The following SLC16A14 variants were observed in gnomAD, a reference collection of about 807,000 sequenced individuals.
SLC16A14 encodes the protein solute carrier family 16 member 14.
In SLC16A14, 14 loss-of-function variants were observed where a neutral mutation model predicts 35.8. The ratio of observed to expected loss-of-function variants is 0.39; its 90% confidence interval spans 0.26 to 0.61. SLC16A14 has a LOEUF of 0.61. Ranked by LOEUF, SLC16A14 falls within the 20% of genes least tolerant of loss-of-function variation. SLC16A14 has a pLI of 0.51. For synonymous variants in SLC16A14, 248 were observed against 258.9 expected, an observed-to-expected ratio of 0.96 and a Z score of 0.40; for missense variants, 533 against 655.0, an observed-to-expected ratio of 0.81 and a Z score of 2.03.
chr2:230,059,034 C>T, intron 2 of SLC16A14, 60 bp downstream of exon 2: 2 of 1,517,436 alleles, frequency 1.3e-6, no homozygotes, highest in South Asian at 2.7e-5. Flanking sequence ...ACATCACTTA[C>T]AGTGGGGAAT....
chr2:230,049,917 A>C lies in SLC16A14; in HGVS notation c.260-13T>G. The C allele has an allele frequency of 6.2e-7, 1 of 1,611,906 alleles. No individual in the cohort carries two copies. The highest frequency in any genetic ancestry group is 8.5e-7 in the Non-Finnish European group (1 of 1,178,606). On this transcript the variant is annotated splice_polypyrimidine_tract_variant and intron_variant, in intron 2 of 4. Coordinates refer to ENST00000295190, the MANE Select transcript of SLC16A14 (RefSeq NM_152527.5). ...CCGATGAAAGGGCCTGTCACAGAGC[A>C]TTGGAAAAGGAATTGACTAAAGGTG...
Position 230,038,424 on chromosome 2 carries a change from A to G in SLC16A14, c.1382-893T>C, listed in dbSNP as rs1258664799. Among the ~76,000 whole-genome samples the G allele has an allele frequency of 1.3e-5, 2 of 152,240 alleles. No individual in the cohort carries two copies. The highest frequency in any genetic ancestry group is 2.9e-5 in the Non-Finnish European group (2 of 68,044). On this transcript the variant is annotated intron_variant, in intron 4 of 4. Transcript: ENST00000295190. This position sits in a 1 kb window ranked among gnomAD's most constrained non-coding sequence, Gnocchi z 4.4. Reference sequence around the variant, plus strand: ...AAATGTGTCTCAGAATCTATGAAATATGTTTCCTATATTTCAGTGATTAAT... The same window carrying G: ...AAATGTGTCTCAGAATCTATGAAATGTGTTTCCTATATTTCAGTGATTAAT...
In SLC16A14 at chr2:230,044,740, G is replaced by GTGTGTGTA. The variant is rs1553818072; in HGVS notation, c.1381+1004_1381+1005insTACACACA. Among the ~76,000 whole-genome samples, 1,426 of 143,114 alleles carry GTGTGTGTA rather than the reference G, an allele frequency of 1.0e-2. 14 individuals are homozygous for GTGTGTGTA. Among genetic ancestry groups the GTGTGTGTA allele is most frequent in the African/African-American group, 0.037 (1,362 of 36,696 alleles). 93.9% of individuals were successfully genotyped at this position (143,114 alleles called of 152,430 possible). A position where few individuals can be genotyped will look rare whatever the true frequency, so the allele number is the denominator to read the frequency against. On this transcript the variant is annotated intron_variant, in intron 4 of 4. Transcript: ENST00000295190. The stretch of plus-strand genomic sequence containing the variant: ...TGTGTGTGTGTGTGTGTGTGTGTAT[G>GTGTGTGTA]TGTGTGTGTGTGTGTGTGTGTGTAG...
chr2:230,050,337 A>G lies in SLC16A14; in HGVS notation c.260-433T>C, dbSNP rs772328419. ...GGACCAAAGTTAGTTGGAGCTGTGC[A>G]GTGGCTGAGCCCGTTTGACTGGGAC... is the stretch of plus-strand genomic sequence containing the variant. On this transcript the variant is annotated intron_variant, in intron 2 of 4. Transcript: ENST00000295190. Among the ~76,000 whole-genome samples, 6 of 152,254 alleles carry G rather than the reference A, an allele frequency of 3.9e-5. 1 individual carries two copies. Among genetic ancestry groups the G allele is most frequent in the Non-Finnish European group, 5.9e-5 (4 of 68,040 alleles).
intron 4 of SLC16A14, among the ~76,000 whole-genome samples, chr2:230,042,550 G>A (rs1420926975): frequency 6.6e-6 from 1 of 152,130 alleles, no homozygotes; most frequent in Non-Finnish European, 1.5e-5. Context: ...ATCATGCAAA[G>A]AACCATCAGT....
At chr2:230,037,696 T>C (rs1215009176) in intron 4 of SLC16A14, among the ~76,000 whole-genome samples, 165 bp from the exon 5 acceptor site, 2 of 152,166 alleles carry the variant, frequency 1.3e-5, no homozygotes, top group African/African-American at 4.8e-5. Flanking sequence ...CTTTTTTTTT[T>C]TGTTTTTTAT....
intron 1 of SLC16A14, among the ~76,000 whole-genome samples, chr2:230,067,558 C>G (rs1355387958): frequency 6.7e-6 from 1 of 148,424 alleles, no homozygotes; most frequent in Non-Finnish European, 1.5e-5. Flanking sequence ...CTCTCTCTCT[C>G]TCTCTCTCTC....
chr2:230,054,292 A>G (rs1365977218), intron 2 of SLC16A14, among the ~76,000 whole-genome samples: 1 of 152,158 alleles, frequency 6.6e-6, no homozygotes, highest in African/African-American at 2.4e-5. Context: ...TGGCACCCCA[A>G]TTCACTCTGC....
At chr2:230,064,219 A>T (rs2077773328) in intron 1 of SLC16A14, among the ~76,000 whole-genome samples, 1 of 152,142 alleles carries the variant, frequency 6.6e-6, no homozygotes, top group Non-Finnish European at 1.5e-5. Flanking sequence ...GCTGACTTGT[A>T]AAAGAGAAAA....
intron 1 of SLC16A14, among the ~76,000 whole-genome samples, chr2:230,067,556 CTCTCTCT>C (rs1560485370): frequency 8.7e-5 from 13 of 148,670 alleles, no homozygotes; most frequent in African/African-American, 1.0e-4. Flanking sequence ...CTCTCTCTCT[CTCTCTCT>C]CTCTCTCTCA....
intron 4 of SLC16A14, 58 bp downstream of exon 4, chr2:230,045,687 T>C (rs2077598902): frequency 6.3e-7 from 1 of 1,588,268 alleles, no homozygotes; most frequent in Admixed American, 1.8e-5. Flanking sequence ...TGGGACTTTA[T>C]AACATAACGC....
intron 2 of SLC16A14, among the ~76,000 whole-genome samples, chr2:230,055,258 G>A (rs4973250): frequency 0.92 from 139,295 of 152,166 alleles, 63,872 homozygotes; most frequent in East Asian, 1. Flanking sequence ...GGCATGCAGT[G>A]CGTGCTAAAT....
rs764113401 is a variant in SLC16A14 at position 230,045,893 on chromosome 2, G to A, written c.1233C>T (p.Ile411=). The A allele has an allele frequency of 1.9e-6, 3 of 1,612,886 alleles. No homozygotes were observed. The highest frequency in any genetic ancestry group is 2.5e-6 in the Non-Finnish European group (3 of 1,178,928). The change falls in exon 4 of 5, where the codon ATC becomes ATT. Residue 411 remains isoleucine, a synonymous_variant. Transcript: ENST00000295190. The part of the protein sequence containing the change: ...LMHTYAGLAV[I]CALIGFSSGY... ...CACTGGAAAACCCTATCAGCGCACAGATGACCGCCAGGCCAGCGTACGTGT... is the reference window on the plus strand; with the variant it reads ...CACTGGAAAACCCTATCAGCGCACAAATGACCGCCAGGCCAGCGTACGTGT...
chr2:230,037,733 TA>T (rs959511051), intron 4 of SLC16A14, among the ~76,000 whole-genome samples: 16 of 152,278 alleles, frequency 1.1e-4, no homozygotes, highest in African/African-American at 3.9e-4. Context: ...TTAGCCATTT[TA>T]AAGGGTGTGC....
chr2:230,049,617 A>C (rs1274981542), intron 3 of SLC16A14, 144 bp downstream of exon 3: 2 of 810,376 alleles, frequency 2.5e-6, no homozygotes, highest in Non-Finnish European at 3.9e-6. Context: ...TATTTCCAGG[A>C]GTGTAGGGAG....
intron 2 of SLC16A14, among the ~76,000 whole-genome samples, chr2:230,056,109 C>G (rs967530879): frequency 6.6e-6 from 1 of 152,138 alleles, no homozygotes; most frequent in African/African-American, 2.4e-5. Context: ...CATAATGGTG[C>G]CTTTATTTAA....
At chr2:230,054,083 A>AGGG (rs144813112) in intron 2 of SLC16A14, among the ~76,000 whole-genome samples, 67 of 133,446 alleles carry the variant, frequency 5.0e-4, no homozygotes, top group African/African-American at 1.3e-3. Flanking sequence ...GTGCAGCCTG[A>AGGG]GGTGGGGGGG....
chr2:230,066,164 T>G (rs1011879581), intron 1 of SLC16A14, among the ~76,000 whole-genome samples: 2 of 152,002 alleles, frequency 1.3e-5, no homozygotes, highest in African/African-American at 4.8e-5. Context: ...AATTAGCCAG[T>G]GTGGTGGTGC....
chr2:230,063,716 A>C (rs1040827553), intron 1 of SLC16A14, among the ~76,000 whole-genome samples: 2 of 152,246 alleles, frequency 1.3e-5, no homozygotes, highest in Non-Finnish European at 2.9e-5. Flanking sequence ...AGACTGGAGC[A>C]AAACAAAGAA....
Sources: gnomAD v4.1 joint callset for allele counts (sites outside exome capture counted in the v4.1 genomes callset) on GRCh38, gnomAD v4.1.1 for gene constraint, Gnocchi (gnomAD v3.1) non-coding constraint, MANE v1.5 for transcripts, NCBI Gene and HGNC (gene_info 2026-07-23, HGNC 2026-07-21) for gene names.